The following SCUBE1 variants were observed in gnomAD, a reference collection of about 807,000 sequenced individuals.
The protein encoded by SCUBE1 is signal peptide, CUB and EGF-like domain-containing protein 1.
In SCUBE1, 59 loss-of-function variants were observed where a neutral mutation model predicts 124.4. That is an observed-to-expected ratio of 0.47 (90% CI 0.38 to 0.59). The LOEUF is 0.59. Among genes scored for constraint, SCUBE1 ranks in the 20% least tolerant of loss-of-function variants. The pLI is 0.00. For missense variants in SCUBE1, 1,150 were observed against 1,371.2 expected, an observed-to-expected ratio of 0.84 and a Z score of 2.55; for synonymous variants, 545 against 550.9, an observed-to-expected ratio of 0.99 and a Z score of 0.15.
intron 2 of SCUBE1, among the ~76,000 whole-genome samples, chr22:43,330,408 C>G (rs1926867872): frequency 6.6e-6 from 1 of 152,220 alleles, no homozygotes; most frequent in African/African-American, 2.4e-5. Context: ...TTCCCCTCCT[C>G]AGGCAGAGAT....
rs79664007 is a variant in SCUBE1, at chr22:43,251,076, C to A, written c.727+7143G>T. ...GTGGGGGAGACTCACTGGAAAGCTG[C>A]CTGGAAAGTCCCTTGCAAACTCTAG... On this transcript the variant is annotated intron_variant, in intron 6 of 21. Coordinates refer to ENST00000360835, the MANE Select transcript of SCUBE1 (RefSeq NM_173050.5). Among the ~76,000 whole-genome samples the A allele has an allele frequency of 8.5e-3, 1,301 of 152,236 alleles. 20 individuals carry two copies. Among genetic ancestry groups the A allele is most frequent in the African/African-American group, 0.03 (1,238 of 41,544 alleles).
chr22:43,303,129 T>C (rs895491905), intron 3 of SCUBE1, among the ~76,000 whole-genome samples: 2 of 152,248 alleles, frequency 1.3e-5, no homozygotes, highest in Non-Finnish European at 2.9e-5. Context: ...AATTCTAACC[T>C]TCAGGGACTA....
intron 3 of SCUBE1, among the ~76,000 whole-genome samples, chr22:43,296,665 C>G (rs1925571923): frequency 6.6e-6 from 1 of 152,162 alleles, no homozygotes; most frequent in African/African-American, 2.4e-5. Context: ...TCTGGACCGG[C>G]GTGGTTGAGG....
chr22:43,225,009 C>T (rs1055916299), intron 10 of SCUBE1, among the ~76,000 whole-genome samples: 3 of 152,172 alleles, frequency 2.0e-5, no homozygotes, highest in Non-Finnish European at 4.4e-5. Flanking sequence ...TCTGACACAT[C>T]AAAACTAATA....
intron 4 of SCUBE1, among the ~76,000 whole-genome samples, chr22:43,269,537 A>G (rs1005934342): frequency 2.0e-5 from 3 of 151,752 alleles, no homozygotes; most frequent in African/African-American, 7.3e-5. Context: ...CAATAACATC[A>G]TTTTCTGCAT....
chr22:43,240,589 C>T (rs1443163575), intron 6 of SCUBE1, among the ~76,000 whole-genome samples: 2 of 152,192 alleles, frequency 1.3e-5, no homozygotes, highest in African/African-American at 4.8e-5. Flanking sequence ...CTCACGGAGC[C>T]CCTCAGGCAG....
intron 4 of SCUBE1, among the ~76,000 whole-genome samples, chr22:43,263,786 A>AT (rs1428821459): frequency 5.3e-5 from 8 of 152,344 alleles, no homozygotes; most frequent in African/African-American, 1.9e-4. Context: ...GTTTCACCTG[A>AT]TTTTGCGACT....
chr22:43,281,480 C>T (rs1484595823), intron 4 of SCUBE1, among the ~76,000 whole-genome samples: 2 of 113,342 alleles, frequency 1.8e-5, no homozygotes, highest in African/African-American at 1.0e-4. Context: ...CCTGTCACCT[C>T]CCTCTTTGGC....
At chr22:43,241,148 G>A (rs1280267983) in intron 6 of SCUBE1, among the ~76,000 whole-genome samples, 2 of 152,188 alleles carry the variant, frequency 1.3e-5, no homozygotes, top group African/African-American at 4.8e-5. Flanking sequence ...AGCTCCACCT[G>A]AAAGGTCACC....
In SCUBE1 at chr22:43,234,561, G is replaced by A. The variant is rs1160721069; in HGVS notation, c.845-2686C>T. Among the ~76,000 whole-genome samples, 1 of 152,190 alleles carries A rather than the reference G, an allele frequency of 6.6e-6. No homozygotes were observed. The highest frequency in any genetic ancestry group is 1.5e-5 in the Non-Finnish European group (1 of 68,030). ...CCTGAGGCCCGGGCTGGTGTAGCTG[G>A]CTGCCTGGGGGTCAGGATGGAGGGA... On this transcript the variant is annotated intron_variant, in intron 7 of 21. Transcript: ENST00000360835. This position sits in a 1 kb window ranked among gnomAD's most constrained non-coding sequence, Gnocchi z 4.4.
intron 10 of SCUBE1, among the ~76,000 whole-genome samples, chr22:43,225,498 C>T (rs528205475): frequency 6.6e-5 from 10 of 151,112 alleles, no homozygotes; most frequent in African/African-American, 9.7e-5. Flanking sequence ...TAGAAGCGGC[C>T]GGGCTCGGTG....
chr22:43,290,706 C>G (rs1312387928), intron 4 of SCUBE1, among the ~76,000 whole-genome samples: 7 of 152,258 alleles, frequency 4.6e-5, no homozygotes, highest in Admixed American at 3.3e-4. Flanking sequence ...CTCAAGCCCC[C>G]TTTGGAGAAG....
intron 4 of SCUBE1, among the ~76,000 whole-genome samples, chr22:43,269,331 C>T (rs567953883): frequency 3.9e-4 from 59 of 152,236 alleles, no homozygotes; most frequent in African/African-American, 1.4e-3. Flanking sequence ...CAGAGAGAAA[C>T]GATGGCATGG....
At chr22:43,271,294 A>G (rs1924282825) in intron 4 of SCUBE1, among the ~76,000 whole-genome samples, 1 of 152,168 alleles carries the variant, frequency 6.6e-6, no homozygotes, top group Admixed American at 6.5e-5. Context: ...CATTCTCAAA[A>G]GGGCCCACAC....
chr22:43,294,216 G>A (rs527795763), intron 3 of SCUBE1, among the ~76,000 whole-genome samples: 2 of 152,370 alleles, frequency 1.3e-5, no homozygotes, highest in East Asian at 3.9e-4. Flanking sequence ...CCCCCGAGGA[G>A]GGGAGGAAAT....
chr22:43,210,980 G>A lies in SCUBE1; in HGVS notation c.2325C>T (p.Thr775=). The A allele has an allele frequency of 6.2e-7, 1 of 1,614,178 alleles. No individual in the cohort carries two copies. ...AGTCTGTGCTGGTGTTGCCCGGACA[G>A]GTGATGCAGTGGTTCTGGCCAAACT... is the stretch of plus-strand genomic sequence containing the variant. The part of the protein sequence containing the change: ...QPEFGQNHCI[T]CPGNTSTDFD... Residue 775 remains threonine (T), a synonymous_variant, in exon 18 of 22, where the codon ACC becomes ACT. Transcript: ENST00000360835. This position sits in a 1 kb window ranked among gnomAD's most constrained non-coding sequence, Gnocchi z 4.5.
intron 6 of SCUBE1, among the ~76,000 whole-genome samples, chr22:43,246,570 A>G (rs1479724943): frequency 6.6e-6 from 1 of 152,214 alleles, no homozygotes; most frequent in Non-Finnish European, 1.5e-5. Context: ...GGTGTAGGAT[A>G]GAGGGAACTG....
chr22:43,309,542 C>G (rs749989692), intron 3 of SCUBE1, among the ~76,000 whole-genome samples: 1 of 152,292 alleles, frequency 6.6e-6, no homozygotes, highest in Middle Eastern at 3.4e-3. Context: ...ATTAAAATAT[C>G]TGGCTTCCAA....
chr22:43,210,014 G>A lies in SCUBE1; in HGVS notation c.2581+29C>T. On this transcript the variant is annotated intron_variant, in intron 19 of 21. Coordinates refer to ENST00000360835, the MANE Select transcript of SCUBE1 (RefSeq NM_173050.5). This position sits in a 1 kb window ranked among gnomAD's most constrained non-coding sequence, Gnocchi z 4.5. ...CGGGGGTGCACACGCAGCTGAGGCT[G>A]CCTCTGGTCCCCTCGGCCCCCAACA... 6.4e-7 allele frequency: 1 copy of A among 1,565,832 alleles called. No individual in the cohort carries two copies. Among genetic ancestry groups the A allele is most frequent in the East Asian group, 2.4e-5 (1 of 42,376 alleles).
Sources: allele counts gnomAD v4.1 joint callset (sites outside exome capture counted in the v4.1 genomes callset), GRCh38; gene constraint gnomAD v4.1.1; non-coding constraint Gnocchi (gnomAD v3.1); transcripts MANE v1.5; gene names NCBI Gene and HGNC (gene_info 2026-07-23, HGNC 2026-07-21).